The following LARS1 variants were observed in gnomAD, a reference collection of about 807,000 sequenced individuals.
The protein encoded by LARS1 is leucine--tRNA ligase, cytoplasmic.
A neutral mutation model predicts 162.8 loss-of-function variants in LARS1; 100 were observed. That is an observed-to-expected ratio of 0.61 (90% confidence interval 0.52 to 0.73). The LOEUF (loss-of-function observed/expected upper bound fraction) is 0.73. LARS1 is among the 30% of genes least tolerant of loss of function. LARS1 has a pLI of 0.00. For missense variants in LARS1, 1,258 were observed against 1,408.9 expected (o/e 0.89, Z 1.71); for synonymous variants, 457 against 462.8 (o/e 0.99, Z 0.16).
chr5:146,139,024 A>G, intron 21 of LARS1: 1 of 350,472 alleles, frequency 2.9e-6, no homozygotes, highest in Non-Finnish European at 5.5e-6. Context: ...CGAAAAGTCA[A>G]TAAAAGTGGA....
At chr5:146,174,248 A>G (rs891072932) in intron 2 of LARS1, among the ~76,000 whole-genome samples, 2 of 149,206 alleles carry the variant, frequency 1.3e-5, no homozygotes, top group African/African-American at 4.9e-5. Context: ...TTGGGATTTC[A>G]AGACTAGCCT....
rs1752721327 is a variant in LARS1 at position 146,140,393 on chromosome 5, T to C, written c.2091-132A>G. On this transcript the variant is annotated intron_variant, in intron 20 of 31. Transcript: ENST00000394434. ...AAAAGTGCAAGGATATACACTATAG[T>C]CCTTTTTGTAATGGGAAGTGAAAAC... is the stretch of plus-strand genomic sequence containing the variant. 38 of 660,588 alleles carry C rather than the reference T, an allele frequency of 5.8e-5. No homozygotes were observed. In the South Asian group the frequency reaches 6.7e-4, roughly 12 times the overall value. The allele number at this position is 660,588 out of a possible 1,614,324, so 40.9% of individuals were successfully genotyped here.
rs759005307 is a variant in LARS1, at chr5:146,143,441, A to C, written c.1848T>G (p.His616Gln). 4 of 1,613,754 alleles carry C rather than the reference A, an allele frequency of 2.5e-6. No individual in the cohort carries two copies. The highest frequency in any genetic ancestry group is 3.4e-6 in the Non-Finnish European group (4 of 1,179,716). Residue 616 changes from histidine (H) to glutamine (Q), a missense_variant, in exon 19 of 32, where the codon CAT becomes CAG. His to Gln is a conservative substitution (Grantham distance 24). Coordinates refer to ENST00000394434, the MANE Select transcript of LARS1 (RefSeq NM_020117.11). ...VAHLLQGGNL[H>Q]GQAESPLGIR... ...TGCCCAGCGGAGACTCTGCCTGTCC[A>C]TGCAAGTTACCCCCCTGCAATAGGT...
intron 13 of LARS1, among the ~76,000 whole-genome samples, chr5:146,152,414 G>A (rs550558640): frequency 1.3e-5 from 2 of 152,264 alleles, no homozygotes; most frequent in East Asian, 1.9e-4. Flanking sequence ...AGGAACGGGC[G>A]AGCATCACCC....
chr5:146,139,039 TGAA>T, intron 21 of LARS1: 2 of 151,284 alleles, frequency 1.3e-5, no homozygotes, highest in South Asian at 4.1e-5. Flanking sequence ...AGTGGATTTG[TGAA>T]AAAAAAAAAA....
At position 146,134,581 on chromosome 5, in the gene LARS1, A is replaced by G. The variant is rs950189703; in HGVS notation, c.2212+1020T>C. Among the ~76,000 whole-genome samples, 5 of 152,232 alleles carry G rather than the reference A, an allele frequency of 3.3e-5. No individual in the cohort carries two copies. In the East Asian group the frequency reaches 9.6e-4, roughly 29 times the overall value. On this transcript the variant is annotated intron_variant, in intron 22 of 31. Transcript: ENST00000394434. ...TCTTGACACGATAATAATAAAATGT[A>G]ATAGGACTGAGGCCAGACAAAAAAA...
At chr5:146,160,540 T>C in intron 6 of LARS1, 54 bp from the exon 7 acceptor site, 1 of 882,040 alleles carries the variant, frequency 1.1e-6, no homozygotes, top group South Asian at 1.8e-5. Flanking sequence ...AAATTTTGTT[T>C]AAATAAGAAT....
chr5:146,126,576 GA>G (rs200980777), intron 27 of LARS1, 31 bp from the exon 28 acceptor site: 27 of 1,481,756 alleles, frequency 1.8e-5, no homozygotes, highest in African/African-American at 5.6e-5. Context: ...GAGTAATGTA[GA>G]AAAAAAAGTC....
At chr5:146,143,125 A>ATATATG in intron 19 of LARS1, 41 bp from the exon 20 acceptor site, 2 of 1,071,632 alleles carry the variant, frequency 1.9e-6, no homozygotes, top group Non-Finnish European at 2.5e-6. Context: ...ATATATATAT[A>ATATATG]TGTAATTTCT....
At chr5:146,132,628 C>T (rs1027060883) in intron 23 of LARS1, 18 of 267,466 alleles carry the variant, frequency 6.7e-5, no homozygotes, top group Non-Finnish European at 1.1e-4. Context: ...TAAGGAAATA[C>T]TTAATTGTTC....
intron 1 of LARS1, among the ~76,000 whole-genome samples, chr5:146,180,623 G>A (rs533655232): frequency 7.9e-5 from 12 of 152,124 alleles, no homozygotes; most frequent in Admixed American, 1.3e-4. Context: ...TCATTGTACT[G>A]AGTATGCCAA....
intron 31 of LARS1, among the ~76,000 whole-genome samples, chr5:146,119,809 T>C (rs1259311572): frequency 6.6e-6 from 1 of 152,208 alleles, no homozygotes; most frequent in African/African-American, 2.4e-5. Flanking sequence ...CTGTTTGAAT[T>C]CCAGATCTAG....
At chr5:146,176,718 TATC>T (rs1429763702) in intron 2 of LARS1, among the ~76,000 whole-genome samples, 1 of 152,182 alleles carries the variant, frequency 6.6e-6, no homozygotes, top group African/African-American at 2.4e-5. Flanking sequence ...TTTTCCCAAA[TATC>T]ATGTCATGAT....
At position 146,177,567 on chromosome 5, in the gene LARS1, A is replaced by G. The variant is rs1308846450; in HGVS notation, c.105T>C (p.Ser35=). ...DTERVFEVNA[S]NLEKQTSKGK... is the part of the protein sequence containing the mutation. ...CTCACCTGGTCTGTTTCTCTAAATT[A>G]GATGCATTGACCTCAAACACTCTCT... Residue 35 remains serine (S), a synonymous_variant, in exon 2 of 32, where the codon TCT becomes TCC. Coordinates refer to ENST00000394434, the MANE Select transcript of LARS1 (RefSeq NM_020117.11). 3 of 1,567,436 alleles carry G rather than the reference A, an allele frequency of 1.9e-6. No individual in the cohort carries two copies. The East Asian group carries it at 6.9e-5, about 36-fold the overall frequency.
chr5:146,159,433 T>G lies in LARS1; in HGVS notation c.745A>C (p.Met249Leu), dbSNP rs566980518. The G allele has an allele frequency of 6.2e-7, 1 of 1,612,598 alleles. No individual in the cohort carries two copies. The highest frequency in any genetic ancestry group is 2.2e-5 in the East Asian group (1 of 44,798). ...TCTCCAGTTTGTCTATCATGATCCA[T>G]GCAAGGCTGTCCATCTTTCGGAGAG... ...IYSPKDGQPC[M>L]DHDRQTGEGV... Residue 249 changes from methionine to leucine, a missense_variant, in exon 8 of 32, where the codon ATG becomes CTG. Physicochemically the swap from Met to Leu is conservative, Grantham distance 15. Coordinates refer to ENST00000394434, the MANE Select transcript of LARS1 (RefSeq NM_020117.11).
chr5:146,134,177 A>G (rs1752412084), intron 22 of LARS1, among the ~76,000 whole-genome samples: 1 of 152,126 alleles, frequency 6.6e-6, no homozygotes, highest in Non-Finnish European at 1.5e-5. Context: ...TATACACAAA[A>G]TAAAAATCAT....
intron 31 of LARS1, among the ~76,000 whole-genome samples, chr5:146,118,004 C>T (rs1561793752): frequency 6.6e-6 from 1 of 152,200 alleles, no homozygotes; most frequent in Non-Finnish European, 1.5e-5. Context: ...AATCCCACTA[C>T]TGGACATATA....
chr5:146,144,286 G>A lies in LARS1; in HGVS notation c.1719C>T (p.Cys573=). Residue 573 remains cysteine, a synonymous_variant, in exon 18 of 32, where the codon TGC becomes TGT. Transcript: ENST00000394434. ...GTTTACCTAGACCATAAGTTCTTGA[G>A]CAAGCATGTTCTTGTAGCCAACCTA... ...ATLGWLQEHA[C]SRTYGLGTHL... is the part of the protein sequence containing the mutation. 1 of 1,611,812 alleles carries A rather than the reference G, an allele frequency of 6.2e-7. No individual in the cohort carries two copies. Among genetic ancestry groups the A allele is most frequent in the Non-Finnish European group, 8.5e-7 (1 of 1,179,394 alleles).
intron 2 of LARS1, among the ~76,000 whole-genome samples, chr5:146,177,205 G>A (rs112832033): frequency 0.046 from 7,063 of 152,058 alleles, 560 homozygotes; most frequent in African/African-American, 0.16. Context: ...GGTGGCTCAC[G>A]CCTGTAATCC....
Sources: allele counts gnomAD v4.1 joint callset (sites outside exome capture counted in the v4.1 genomes callset), GRCh38; gene constraint gnomAD v4.1.1; transcripts MANE v1.5; gene names NCBI Gene and HGNC (gene_info 2026-07-23, HGNC 2026-07-21).